Variants in SLC25A13 observed in about 807,000 individuals in gnomAD.
The protein encoded by SLC25A13 is solute carrier family 25 member 13, also known as electrogenic aspartate/glutamate antiporter SLC25A13, mitochondrial.
Under a neutral mutation model 85.5 loss-of-function variants are expected in SLC25A13, and 70 were observed. The observed-to-expected ratio is 0.82, with a 90% confidence interval of 0.68 to 1.00. The LOEUF is 1.00. Ranked by LOEUF, SLC25A13 falls within the 50% of genes least tolerant of loss-of-function variation. The pLI is 0.00. For synonymous variants in SLC25A13, 259 were observed against 288.7 expected, an observed-to-expected ratio of 0.90 and a Z score of 1.04; for missense variants, 765 against 819.8, an observed-to-expected ratio of 0.93 and a Z score of 0.82.
At position 96,321,978 on chromosome 7, in the gene SLC25A13, A is replaced by C. The variant is rs1800372019; in HGVS notation, c.-22T>G. 6.5e-7 allele frequency: 1 copy of C among 1,538,000 alleles called. No homozygotes were observed. Among genetic ancestry groups the C allele is most frequent in the Admixed American group, 2.0e-5 (1 of 50,642 alleles). ...CCATGATTCGCCCCGGTTGCGGGCG[A>C]CTGCGGGACCCACTGACTGGCTGGC... On this transcript the variant is annotated 5_prime_UTR_variant, in exon 1 of 18. Coordinates refer to ENST00000265631, the MANE Select transcript of SLC25A13 (RefSeq NM_014251.3).
intron 15 of SLC25A13, 115 bp from the exon 16 acceptor site, chr7:96,122,112 G>T: frequency 7.2e-7 from 1 of 1,381,358 alleles, no homozygotes. Flanking sequence ...TCAATAAAAT[G>T]CCTATTTTGC....
chr7:96,207,160 T>C (rs186979768), intron 5 of SLC25A13, among the ~76,000 whole-genome samples: 338 of 152,338 alleles, frequency 2.2e-3, no homozygotes, highest in Middle Eastern at 6.8e-3. Flanking sequence ...ATTAACGCTT[T>C]GTTTTTAAAA....
At chr7:96,236,315 T>A in intron 3 of SLC25A13, among the ~76,000 whole-genome samples, 1 of 151,918 alleles carries the variant, frequency 6.6e-6, no homozygotes, top group East Asian at 1.9e-4. Flanking sequence ...TCACCGAGAC[T>A]CTGCGTAGGA....
At chr7:96,249,490 AGGT>A (rs1219018409) in intron 3 of SLC25A13, among the ~76,000 whole-genome samples, 1 of 152,218 alleles carries the variant, frequency 6.6e-6, no homozygotes, top group African/African-American at 2.4e-5. Flanking sequence ...CATTCTATTT[AGGT>A]TCATATTTTA....
At chr7:96,279,310 A>G (rs1201465658) in intron 2 of SLC25A13, among the ~76,000 whole-genome samples, 5 of 152,074 alleles carry the variant, frequency 3.3e-5, no homozygotes, top group Admixed American at 1.3e-4. Context: ...TTCTTCCATT[A>G]CTTTTCTAAG....
chr7:96,211,001 G>C (rs1024751789), intron 4 of SLC25A13, among the ~76,000 whole-genome samples: 3 of 152,012 alleles, frequency 2.0e-5, no homozygotes, highest in Non-Finnish European at 2.9e-5. Context: ...CCCATAGAAA[G>C]TAACAGAAGG....
At chr7:96,294,815 G>T (rs1276259776) in intron 2 of SLC25A13, among the ~76,000 whole-genome samples, 1 of 152,038 alleles carries the variant, frequency 6.6e-6, no homozygotes, top group Non-Finnish European at 1.5e-5. Flanking sequence ...TGGGATTACA[G>T]GTGTCCAGAA....
chr7:96,219,112 C>G (rs1796007174), intron 4 of SLC25A13, among the ~76,000 whole-genome samples: 1 of 152,144 alleles, frequency 6.6e-6, no homozygotes, highest in Admixed American at 6.5e-5. Context: ...AGCTAAGGGT[C>G]TGAAGAGGAA....
intron 15 of SLC25A13, among the ~76,000 whole-genome samples, chr7:96,126,473 AAGCTCCATATGAAAACCAGGAGAG>A (rs1791731063): frequency 6.6e-6 from 1 of 152,152 alleles, no homozygotes; most frequent in Non-Finnish European, 1.5e-5. Context: ...CTGTCTCCTG[AAGCTCCATATGAAAACCAGGAGAG>A]AGCTCCAAGC....
chr7:96,228,799 G>A lies in SLC25A13; in HGVS notation c.328+6003C>T, dbSNP rs113839037. Among the ~76,000 whole-genome samples, 10 of 152,302 alleles carry A rather than the reference G, an allele frequency of 6.6e-5. 1 individual carries two copies. Among genetic ancestry groups the A allele is most frequent in the African/African-American group, 1.9e-4 (8 of 41,578 alleles). On this transcript the variant is annotated intron_variant, in intron 4 of 17. Coordinates refer to ENST00000265631, the MANE Select transcript of SLC25A13 (RefSeq NM_014251.3). ...CGTGGGCTCCGCGGGCCCTGCACTCGGAGTGGATGGCCAGCACCGCCAGCC... is the reference window on the plus strand; with the variant it reads ...CGTGGGCTCCGCGGGCCCTGCACTCAGAGTGGATGGCCAGCACCGCCAGCC...
chr7:96,157,762 C>A (rs1284714092), intron 13 of SLC25A13, among the ~76,000 whole-genome samples: 2 of 152,112 alleles, frequency 1.3e-5, no homozygotes, highest in Non-Finnish European at 1.5e-5. Context: ...GATTACACCA[C>A]TGCACTCCAG....
At chr7:96,184,503 A>G in intron 10 of SLC25A13, 68 bp from the exon 11 acceptor site, 2 of 1,463,314 alleles carry the variant, frequency 1.4e-6, no homozygotes, top group South Asian at 1.2e-5. Flanking sequence ...GAAGGTAGTT[A>G]AAGTCAAGGA....
chr7:96,294,362 T>G (rs551868298), intron 2 of SLC25A13, among the ~76,000 whole-genome samples: 75 of 152,286 alleles, frequency 4.9e-4, no homozygotes, highest in African/African-American at 1.8e-3. Flanking sequence ...CACATCAACA[T>G]GGCTCATGTA....
intron 3 of SLC25A13, among the ~76,000 whole-genome samples, chr7:96,251,010 T>C (rs141402069): frequency 2.7e-3 from 409 of 152,224 alleles, no homozygotes; most frequent in Middle Eastern, 0.02. Context: ...ATCCCTGCTT[T>C]CGTGGAGCTT....
intron 2 of SLC25A13, 21 bp from the exon 3 acceptor site, chr7:96,277,359 C>T (rs1798496294): frequency 1.3e-6 from 2 of 1,597,564 alleles, no homozygotes; most frequent in South Asian, 2.2e-5. Flanking sequence ...AAAAGAAAAA[C>T]AGTATTTTAT....
At chr7:96,298,099 A>G (rs932655477) in intron 1 of SLC25A13, among the ~76,000 whole-genome samples, 2 of 152,180 alleles carry the variant, frequency 1.3e-5, no homozygotes, top group African/African-American at 4.8e-5. Context: ...CCACCCCATG[A>G]TGAAGCCAAG....
In SLC25A13 at chr7:96,170,095, G is replaced by A. The variant is rs1562811865; in HGVS notation, c.1261C>T (p.His421Tyr). 6.2e-7 allele frequency: 1 copy of A among 1,614,138 alleles called. No homozygotes were observed. The highest frequency in any genetic ancestry group is 1.7e-5 in the Admixed American group (1 of 60,022). ...GCAAGTGGGACCGAACCATCTTTGT[G>A]CATAAATTTATCCCTCACAAAATCG... ...VNDFVRDKFM[H>Y]KDGSVPLAAE... The change falls in exon 13 of 18, where the codon CAC becomes TAC. Residue 421 changes from histidine (H) to tyrosine (Y), a missense_variant. By Grantham distance (83) the His-to-Tyr change is moderately conservative. Transcript: ENST00000265631.
intron 5 of SLC25A13, among the ~76,000 whole-genome samples, chr7:96,198,713 A>C (rs1795150127): frequency 6.6e-6 from 1 of 152,216 alleles, no homozygotes; most frequent in South Asian, 2.1e-4. Context: ...ATCATAAATA[A>C]GGGGGTCATA....
rs557996381 is a variant in SLC25A13 at position 96,314,273 on chromosome 7, G to A, written c.15+7669C>T. Among the ~76,000 whole-genome samples the A allele has an allele frequency of 3.3e-5, 5 of 152,172 alleles. No homozygotes were observed. In the East Asian group the frequency reaches 9.7e-4, roughly 29 times the overall value. On this transcript the variant is annotated intron_variant, in intron 1 of 17. Coordinates refer to ENST00000265631, the MANE Select transcript of SLC25A13 (RefSeq NM_014251.3). ...GCAGATGGCGAGAAAGAAAGGGTAG[G>A]ACACAGGGTCATGTGAGGCCAGAAA...
Sources: gnomAD v4.1 joint callset for allele counts (sites outside exome capture counted in the v4.1 genomes callset) on GRCh38, gnomAD v4.1.1 for gene constraint, MANE v1.5 for transcripts, NCBI Gene and HGNC (gene_info 2026-07-23, HGNC 2026-07-21) for gene names.